The following GALNT14 variants were observed in gnomAD, a reference collection of about 807,000 sequenced individuals.
GALNT14 encodes UDP-GalNAc:polypeptide N-acetylgalactosaminyltransferase 14.
In GALNT14, 60 loss-of-function variants were observed where a neutral mutation model predicts 77.5. The ratio of observed to expected loss-of-function variants is 0.77; its 90% confidence interval spans 0.63 to 0.96. GALNT14 has a LOEUF of 0.96. Ranked by LOEUF, GALNT14 falls within the 40% of genes least tolerant of loss-of-function variation. The probability of loss-of-function intolerance (pLI) is 0.00; values close to 1 mark genes in which losing one functional copy is unlikely to be tolerated. For missense variants in GALNT14, 710 were observed against 731.0 expected, an observed-to-expected ratio of 0.97 and a Z score of 0.33; for synonymous variants, 280 against 281.7, an observed-to-expected ratio of 0.99 and a Z score of 0.06.
chr2:30,887,348 C>T, the GALNT14 span, among the ~76,000 whole-genome samples: 5 of 152,126 alleles, frequency 3.3e-5, no homozygotes, highest in East Asian at 1.9e-4. Flanking sequence ...CAATGTGTAA[C>T]GGTTTCAATT....
At chr2:31,090,481 CTTTTTTTTTTTTTTTT>C (rs70962302) in intron 1 of GALNT14, among the ~76,000 whole-genome samples, 39 of 93,258 alleles carry the variant, frequency 4.2e-4, no homozygotes, top group African/African-American at 1.5e-3. Flanking sequence ...GTCCCTTCAT[CTTTTTTTTTTTTTTTT>C]TTTTTTTTTT....
intron 1 of GALNT14, among the ~76,000 whole-genome samples, chr2:31,010,481 G>A (rs1467704599): frequency 7.9e-5 from 12 of 152,206 alleles, no homozygotes; most frequent in Non-Finnish European, 1.6e-4. Flanking sequence ...CGGGCGGGGT[G>A]GTGAGCACCT....
At chr2:30,963,744 T>G (rs1170452757) in intron 3 of GALNT14, among the ~76,000 whole-genome samples, 1 of 152,202 alleles carries the variant, frequency 6.6e-6, no homozygotes, top group Non-Finnish European at 1.5e-5. Context: ...GTGGTAGGGT[T>G]TGGATTTGAC....
chr2:31,049,931 C>T (rs1247109321), intron 1 of GALNT14, among the ~76,000 whole-genome samples: 1 of 152,054 alleles, frequency 6.6e-6, no homozygotes. Context: ...TCTTGGGGGG[C>T]AAAGTATGGA....
intron 6 of GALNT14, among the ~76,000 whole-genome samples, chr2:30,952,666 C>T (rs562872245): frequency 8.9e-5 from 13 of 146,868 alleles, no homozygotes; most frequent in Non-Finnish European, 1.6e-4. Flanking sequence ...TGCTAGATGA[C>T]GAGTTAGTGG....
chr2:31,086,109 TTGGG>T (rs1008671430), intron 1 of GALNT14, among the ~76,000 whole-genome samples: 38 of 152,330 alleles, frequency 2.5e-4, no homozygotes, highest in African/African-American at 9.1e-4. Flanking sequence ...AAGATGAGAT[TTGGG>T]TGGGGACAAA....
chr2:31,103,940 T>C (rs1677423040), intron 1 of GALNT14, among the ~76,000 whole-genome samples: 1 of 152,224 alleles, frequency 6.6e-6, no homozygotes. Context: ...CAATATTCCC[T>C]GAGTTATTGC....
chr2:31,084,242 C>T (rs1676300840), intron 1 of GALNT14, among the ~76,000 whole-genome samples: 1 of 152,216 alleles, frequency 6.6e-6, no homozygotes, highest in Admixed American at 6.5e-5. Flanking sequence ...GAGGTGGAAA[C>T]TGAGGCTAAG....
At chr2:30,986,561 A>T (rs973384378) in intron 2 of GALNT14, among the ~76,000 whole-genome samples, 1 of 152,224 alleles carries the variant, frequency 6.6e-6, no homozygotes, top group Non-Finnish European at 1.5e-5. Flanking sequence ...TATGTATTGA[A>T]ATGTAATTGT....
chr2:30,918,541 T>A (rs931880267), intron 13 of GALNT14, among the ~76,000 whole-genome samples: 2 of 152,180 alleles, frequency 1.3e-5, no homozygotes, highest in African/African-American at 2.4e-5. Flanking sequence ...TCCTTTGGAA[T>A]CCTGCCCAGG....
At chr2:30,900,352 G>A in the GALNT14 span, among the ~76,000 whole-genome samples, 4 of 152,080 alleles carry the variant, frequency 2.6e-5, no homozygotes, top group African/African-American at 9.7e-5. Context: ...AGTAAAATAT[G>A]CATGATCCCT....
intron 1 of GALNT14, among the ~76,000 whole-genome samples, chr2:31,136,138 A>T (rs570099134): frequency 6.7e-6 from 1 of 150,258 alleles, no homozygotes; most frequent in Admixed American, 6.6e-5. Flanking sequence ...GAGAAAAGTG[A>T]TCTGGTGCTA....
intron 1 of GALNT14, among the ~76,000 whole-genome samples, chr2:31,063,186 G>A (rs988058961): frequency 6.6e-6 from 1 of 152,130 alleles, no homozygotes; most frequent in African/African-American, 2.4e-5. Context: ...GGTTTTTATG[G>A]TTTTAGGTTT....
chr2:31,090,023 T>C (rs1248924271), intron 1 of GALNT14, among the ~76,000 whole-genome samples: 2 of 152,202 alleles, frequency 1.3e-5, no homozygotes, highest in Non-Finnish European at 2.9e-5. Context: ...GCCTGGCAAC[T>C]GGGACACCAT....
At chr2:30,892,585 G>C in the GALNT14 span, among the ~76,000 whole-genome samples, 1 of 152,188 alleles carries the variant, frequency 6.6e-6, no homozygotes, top group Non-Finnish European at 1.5e-5. Context: ...CAGCATGTTG[G>C]TATAATGAAC....
intron 11 of GALNT14, among the ~76,000 whole-genome samples, chr2:30,926,872 G>C (rs1374326212): frequency 1.3e-5 from 2 of 152,148 alleles, no homozygotes; most frequent in Non-Finnish European, 2.9e-5. Context: ...AAGGAGGGGA[G>C]TGGAGAGAGG....
chr2:31,135,068 G>C (rs1038145984), intron 1 of GALNT14, among the ~76,000 whole-genome samples: 1 of 152,158 alleles, frequency 6.6e-6, no homozygotes, highest in Non-Finnish European at 1.5e-5. Context: ...CATGGGTTAG[G>C]TCCATAAGCA....
chr2:30,922,806 C>T (rs1241536549), intron 13 of GALNT14, among the ~76,000 whole-genome samples: 2 of 152,236 alleles, frequency 1.3e-5, no homozygotes, highest in African/African-American at 4.8e-5. Context: ...GCAACCTAGT[C>T]TTTCATCTCT....
At chr2:30,946,757 C>A (rs989257811) in intron 6 of GALNT14, among the ~76,000 whole-genome samples, 2 of 152,148 alleles carry the variant, frequency 1.3e-5, no homozygotes, top group Admixed American at 6.5e-5. Flanking sequence ...TCATTCTATG[C>A]CTGTGGTTCA....
Sources: allele counts gnomAD v4.1 joint callset (sites outside exome capture counted in the v4.1 genomes callset), GRCh38; gene constraint gnomAD v4.1.1; transcripts MANE v1.5; gene names NCBI Gene and HGNC (gene_info 2026-07-23, HGNC 2026-07-21).